The following MAST4 variants were observed in gnomAD, a reference collection of about 807,000 sequenced individuals.
MAST4 encodes microtubule-associated serine/threonine-protein kinase 4.
In MAST4, 89 loss-of-function variants were observed where a neutral mutation model predicts 162.7. The ratio of observed to expected loss-of-function variants is 0.55; its 90% CI spans 0.46 to 0.65. The LOEUF (loss-of-function observed/expected upper bound fraction) is 0.65, where lower values mean the gene tolerates loss of function less well. MAST4 is among the 30% of genes least tolerant of loss of function. MAST4 has a pLI of 0.00. For synonymous variants in MAST4, 1,479 were observed against 1,361.1 expected, an observed-to-expected ratio of 1.09 and a Z score of -1.91; for missense variants, 3,153 against 3,374.0, an observed-to-expected ratio of 0.93 and a Z score of 1.62.
intron 3 of MAST4, among the ~76,000 whole-genome samples, chr5:66,824,290 C>G (rs573909600): frequency 6.6e-6 from 1 of 151,392 alleles, no homozygotes; most frequent in East Asian, 1.9e-4. Flanking sequence ...ACCAAGAACT[C>G]TGACTGGTGG....
At chr5:66,922,538 G>A (rs1185247032) in intron 4 of MAST4, among the ~76,000 whole-genome samples, 5 of 152,026 alleles carry the variant, frequency 3.3e-5, no homozygotes, top group Non-Finnish European at 5.9e-5. Context: ...CCTCTTCTCC[G>A]TTTTCTGCTG....
chr5:67,030,715 T>C (rs1163597879), intron 4 of MAST4, among the ~76,000 whole-genome samples: 1 of 152,186 alleles, frequency 6.6e-6, no homozygotes, highest in Admixed American at 6.5e-5. Flanking sequence ...TTGGAACACC[T>C]AACCTCTTCT....
At chr5:66,837,248 T>G (rs1304652874) in intron 3 of MAST4, among the ~76,000 whole-genome samples, 1 of 152,154 alleles carries the variant, frequency 6.6e-6, no homozygotes, top group East Asian at 1.9e-4. Context: ...AAATATGTAT[T>G]GTAGTTAACG....
At chr5:66,967,982 A>G (rs1746957952) in intron 4 of MAST4, among the ~76,000 whole-genome samples, 1 of 152,182 alleles carries the variant, frequency 6.6e-6, no homozygotes, top group Non-Finnish European at 1.5e-5. Context: ...CTCCTGAGTA[A>G]TATAGATGTG....
chr5:66,821,965 T>C (rs1014573071), intron 3 of MAST4, among the ~76,000 whole-genome samples: 1 of 152,212 alleles, frequency 6.6e-6, no homozygotes, highest in Non-Finnish European at 1.5e-5. Context: ...GGGCATGGGC[T>C]GCCCTTACCT....
intron 4 of MAST4, among the ~76,000 whole-genome samples, chr5:66,946,491 A>G (rs903999293): frequency 4.6e-5 from 7 of 152,166 alleles, no homozygotes; most frequent in Non-Finnish European, 7.4e-5. Context: ...ATTTCAGGTT[A>G]TTCAAAATGT....
chr5:67,013,285 C>T (rs1752904722), intron 4 of MAST4, among the ~76,000 whole-genome samples: 1 of 152,144 alleles, frequency 6.6e-6, no homozygotes, highest in African/African-American at 2.4e-5. Flanking sequence ...TCTAACCTGA[C>T]ATGGAAGTTC....
At chr5:66,601,675 G>A (rs1223801447) in intron 1 of MAST4, among the ~76,000 whole-genome samples, 4 of 151,778 alleles carry the variant, frequency 2.6e-5, no homozygotes, top group African/African-American at 9.7e-5. Context: ...AGAGGATTCT[G>A]AGTTGTTAGG....
At chr5:66,991,609 A>C (rs1479907434) in intron 4 of MAST4, among the ~76,000 whole-genome samples, 2 of 152,236 alleles carry the variant, frequency 1.3e-5, no homozygotes, top group African/African-American at 4.8e-5. Context: ...AAGTATATCC[A>C]ATCCTGTTTC....
chr5:66,681,948 G>A (rs1748358578), intron 1 of MAST4, among the ~76,000 whole-genome samples: 1 of 152,176 alleles, frequency 6.6e-6, no homozygotes, highest in African/African-American at 2.4e-5. Context: ...CATGCCTGGA[G>A]CATCAGTTAA....
intron 1 of MAST4, among the ~76,000 whole-genome samples, chr5:66,622,439 A>G (rs1228644173): frequency 8.8e-6 from 1 of 113,270 alleles, no homozygotes; most frequent in African/African-American, 3.3e-5. Context: ...TTTTTTTCTA[A>G]CTTGGAAATC....
intron 1 of MAST4, among the ~76,000 whole-genome samples, chr5:66,627,378 C>G (rs540776938): frequency 1.3e-5 from 2 of 152,174 alleles, no homozygotes; most frequent in Non-Finnish European, 2.9e-5. Context: ...CACGCCAAAC[C>G]ATATGAAGGT....
At chr5:66,775,033 GTGTA>G (rs750678557) in intron 2 of MAST4, among the ~76,000 whole-genome samples, 2,821 of 109,094 alleles carry the variant, frequency 0.026, 51 homozygotes, top group East Asian at 0.1. Context: ...GTGTGTGTGT[GTGTA>G]TGTGTGTGTT....
intron 4 of MAST4, among the ~76,000 whole-genome samples, chr5:66,925,026 A>G (rs1764792921): frequency 6.6e-6 from 1 of 152,220 alleles, no homozygotes; most frequent in Admixed American, 6.5e-5. Context: ...GAAGAATAAG[A>G]TAGTTTTTAC....
chr5:66,663,762 T>G (rs1370260787), intron 1 of MAST4, among the ~76,000 whole-genome samples: 2 of 152,176 alleles, frequency 1.3e-5, no homozygotes, highest in Non-Finnish European at 2.9e-5. Flanking sequence ...CTTTTTATAC[T>G]GGTTAAGAAA....
chr5:66,605,191 C>T (rs1742805863), intron 1 of MAST4, among the ~76,000 whole-genome samples: 1 of 152,158 alleles, frequency 6.6e-6, no homozygotes, highest in Admixed American at 6.5e-5. Flanking sequence ...TGAGCCCTCA[C>T]CTAGGCTTCA....
intron 4 of MAST4, among the ~76,000 whole-genome samples, chr5:66,912,522 A>G (rs972808205): frequency 1.3e-5 from 2 of 152,200 alleles, no homozygotes; most frequent in African/African-American, 4.8e-5. Flanking sequence ...CATACACTGG[A>G]ATGAAATTAA....
intron 1 of MAST4, among the ~76,000 whole-genome samples, chr5:66,740,354 CTTAAAT>C (rs1416111455): frequency 4.6e-5 from 7 of 152,144 alleles, no homozygotes; most frequent in Non-Finnish European, 7.3e-5. Context: ...CGTGCTGTCT[CTTAAAT>C]TTAAATTATG....
intron 3 of MAST4, among the ~76,000 whole-genome samples, chr5:66,791,632 A>G (rs1755413583): frequency 6.6e-6 from 1 of 152,226 alleles, no homozygotes; most frequent in Non-Finnish European, 1.5e-5. Context: ...AGTACCTGGC[A>G]TATAACAAGT....
Sources: gnomAD v4.1 joint callset for allele counts (sites outside exome capture counted in the v4.1 genomes callset) on GRCh38, gnomAD v4.1.1 for gene constraint, MANE v1.5 for transcripts, NCBI Gene and HGNC (gene_info 2026-07-23, HGNC 2026-07-21) for gene names.